The following GPR158 variants were observed in gnomAD, a reference collection of about 807,000 sequenced individuals.
GPR158 encodes the protein G protein-coupled receptor 158.
Under a neutral mutation model 78.2 loss-of-function variants are expected in GPR158, and 30 were observed. The ratio of observed to expected loss-of-function variants is 0.38; its 90% CI spans 0.29 to 0.52. The LOEUF is 0.52. Among genes scored for constraint, GPR158 ranks in the 20% least tolerant of loss-of-function variants. GPR158 has a pLI of 0.83. For synonymous variants in GPR158, 581 were observed against 591.1 expected (o/e 0.98, Z 0.25); for missense variants, 1,463 against 1,523.5 (o/e 0.96, Z 0.66).
chr10:25,368,662 G>A (rs10828780), intron 2 of GPR158, among the ~76,000 whole-genome samples: 59,747 of 151,750 alleles, frequency 0.39, 14,026 homozygotes, highest in Middle Eastern at 0.56. Flanking sequence ...GGCCATTGTG[G>A]AAAGCAGTGT....
chr10:25,387,166 G>T (rs1004597675), intron 2 of GPR158, among the ~76,000 whole-genome samples: 1 of 151,998 alleles, frequency 6.6e-6, no homozygotes, highest in African/African-American at 2.4e-5. Flanking sequence ...TTAGTATGTT[G>T]GGTGTTTTTA....
At chr10:25,325,468 T>TACACAC (rs3054025) in intron 2 of GPR158, among the ~76,000 whole-genome samples, 119 of 150,198 alleles carry the variant, frequency 7.9e-4, no homozygotes, top group African/African-American at 2.5e-3. Flanking sequence ...TATATATAAT[T>TACACAC]ACACACACAC....
chr10:25,427,633 C>T (rs1299133415), intron 4 of GPR158, among the ~76,000 whole-genome samples: 1 of 151,972 alleles, frequency 6.6e-6, no homozygotes, highest in Non-Finnish European at 1.5e-5. Flanking sequence ...CTGGCACTTG[C>T]ATGCTTTGCT....
Position 25,344,170 on chromosome 10 carries a change from A to T in GPR158, c.1009-51741A>T, listed in dbSNP as rs75958238. On this transcript the variant is annotated intron_variant, in intron 2 of 10. Transcript: ENST00000376351. ...GCATTAAATTCAAAATGGATCTGAAAATATAAAGTTTGAAAGAATTCACTG... is the reference window on the plus strand; with the variant it reads ...GCATTAAATTCAAAATGGATCTGAATATATAAAGTTTGAAAGAATTCACTG... Among the ~76,000 whole-genome samples the T allele has an allele frequency of 3.0e-4, 45 of 152,148 alleles. No individual in the cohort carries two copies. In the East Asian group the frequency reaches 8.5e-3, roughly 29 times the overall value.
chr10:25,424,747 C>G (rs1030501272), intron 4 of GPR158, among the ~76,000 whole-genome samples: 7 of 152,124 alleles, frequency 4.6e-5, no homozygotes, highest in Non-Finnish European at 7.4e-5. Context: ...ATCTATATCT[C>G]TGTTTTGGTA....
At chr10:25,384,648 G>GT (rs984586528) in intron 2 of GPR158, among the ~76,000 whole-genome samples, 4 of 151,790 alleles carry the variant, frequency 2.6e-5, no homozygotes, top group African/African-American at 9.7e-5. Flanking sequence ...GTCCAAGTTA[G>GT]TTTTTTTCAG....
At chr10:25,411,947 AAAAAAAAAAAAAAAAAAAAAAAAGACTT>A (rs2130548815) in intron 3 of GPR158, among the ~76,000 whole-genome samples, 1 of 143,828 alleles carries the variant, frequency 7.0e-6, no homozygotes, top group South Asian at 2.2e-4. Context: ...AAAAAAAAAA[AAAAAAAAAAAAAAAAAAAAAAAAGACTT>A]AGAAAACTGT....
intron 2 of GPR158, among the ~76,000 whole-genome samples, chr10:25,345,711 C>T (rs72796134): frequency 0.064 from 9,759 of 151,946 alleles, 326 homozygotes; most frequent in African/African-American, 0.094. Flanking sequence ...ACTTTCATCG[C>T]AGTTTTCACA....
chr10:25,522,452 G>A (rs1286009013), intron 5 of GPR158, among the ~76,000 whole-genome samples: 1 of 152,164 alleles, frequency 6.6e-6, no homozygotes, highest in Non-Finnish European at 1.5e-5. Flanking sequence ...TTGTAACCCT[G>A]TTGATGGCAA....
chr10:25,592,674 C>T (rs1226184790), intron 8 of GPR158, among the ~76,000 whole-genome samples: 5 of 151,902 alleles, frequency 3.3e-5, no homozygotes, highest in African/African-American at 1.2e-4. Context: ...AAGCATTTTT[C>T]CTTCTAGATA....
intron 6 of GPR158, among the ~76,000 whole-genome samples, chr10:25,564,022 T>G (rs371125673): frequency 2.5e-4 from 38 of 152,290 alleles, no homozygotes; most frequent in African/African-American, 8.7e-4. Flanking sequence ...AGATTCTCCA[T>G]CCTTTCCAGG....
intron 4 of GPR158, among the ~76,000 whole-genome samples, chr10:25,416,954 G>C (rs954217687): frequency 1.3e-5 from 2 of 152,100 alleles, no homozygotes; most frequent in African/African-American, 4.8e-5. Context: ...ATTCCATGAG[G>C]GCAGGGATAC....
intron 1 of GPR158, among the ~76,000 whole-genome samples, chr10:25,216,020 C>T (rs1853207634): frequency 6.6e-6 from 1 of 152,206 alleles, no homozygotes; most frequent in East Asian, 1.9e-4. Context: ...TTGTTCCTGC[C>T]TCCAATAACA....
chr10:25,466,805 CAT>C (rs111796001), intron 5 of GPR158, 86 bp downstream of exon 5: 31,821 of 229,836 alleles, frequency 0.14, 1,007 homozygotes, highest in South Asian at 0.26. Flanking sequence ...CACACACACA[CAT>C]ACACACACCC....
chr10:25,325,231 C>T (rs76983378), intron 2 of GPR158, among the ~76,000 whole-genome samples: 5 of 152,004 alleles, frequency 3.3e-5, no homozygotes, highest in South Asian at 2.1e-4. Context: ...GGAGAGGATT[C>T]GAGCATAAAA....
chr10:25,262,613 G>C (rs72792070), intron 2 of GPR158, among the ~76,000 whole-genome samples: 1 of 152,188 alleles, frequency 6.6e-6, no homozygotes, highest in South Asian at 2.1e-4. Flanking sequence ...TGAGTGGAAA[G>C]TATGGAGTTC....
At chr10:25,279,070 A>T (rs889353179) in intron 2 of GPR158, among the ~76,000 whole-genome samples, 4 of 152,140 alleles carry the variant, frequency 2.6e-5, no homozygotes, top group East Asian at 1.9e-4. Context: ...ATATAAAAAA[A>T]ATATTGTACA....
chr10:25,542,806 A>T (rs1836604751), intron 5 of GPR158, among the ~76,000 whole-genome samples: 1 of 140,764 alleles, frequency 7.1e-6, no homozygotes, highest in Admixed American at 7.0e-5. Flanking sequence ...CCTGGCAACA[A>T]GAGTGAAACT....
At position 25,175,763 on chromosome 10, in the gene GPR158, C is replaced by G. The variant is rs1852519976; in HGVS notation, c.343C>G (p.Leu115Val). ...LAGLPGKWPA[L>V]ASAHPSLHRA... is the part of the protein sequence containing the mutation. ...GGGCCTGCCGGGGAAGTGGCCAGCC[C>G]TGGCCAGCGCGCACCCCTCCTTGCA... The change falls in exon 1 of 11, where the codon CTG (leucine) becomes GTG (valine). Residue 115 changes from leucine to valine, a missense_variant. Leu to Val is a conservative substitution (Grantham distance 32, BLOSUM62 1). Transcript: ENST00000376351. The surrounding 1 kb of genome is among the most constrained non-coding windows in gnomAD (Gnocchi z 6.4). The G allele has an allele frequency of 6.2e-7, 1 of 1,611,314 alleles. No homozygotes were observed. The highest frequency in any genetic ancestry group is 8.5e-7 in the Non-Finnish European group (1 of 1,179,928).
Sources: allele counts gnomAD v4.1 joint callset (sites outside exome capture counted in the v4.1 genomes callset), GRCh38; gene constraint gnomAD v4.1.1; non-coding constraint Gnocchi (gnomAD v3.1); transcripts MANE v1.5; gene names NCBI Gene and HGNC (gene_info 2026-07-23, HGNC 2026-07-21).